Variants in TMEM131 observed in about 807,000 individuals in gnomAD.
The protein encoded by TMEM131 is transmembrane protein 131.
TMEM131 carries 66 observed loss-of-function variants against 211.6 expected under a neutral mutation model. That is an observed-to-expected ratio of 0.31 (90% CI 0.26 to 0.38). The LOEUF (loss-of-function observed/expected upper bound fraction) is 0.38. Ranked by LOEUF, TMEM131 falls within the 10% of genes least tolerant of loss-of-function variation. The pLI, the probability that TMEM131 is intolerant of heterozygous loss-of-function variation, is 1.00. For synonymous variants in TMEM131, 844 were observed against 841.3 expected (o/e 1.00, Z -0.06); for missense variants, 2,036 against 2,299.3 (o/e 0.89, Z 2.34).
intron 31 of TMEM131, among the ~76,000 whole-genome samples, chr2:97,790,531 A>C (rs1349624906): frequency 3.3e-5 from 5 of 152,206 alleles, no homozygotes; most frequent in Non-Finnish European, 5.9e-5. Context: ...TTCATTTTAA[A>C]ATTTAGGTTC....
intron 10 of TMEM131, 38 bp from the exon 11 acceptor site, chr2:97,833,464 G>T: frequency 3.0e-6 from 3 of 983,946 alleles, no homozygotes; most frequent in Non-Finnish European, 4.5e-6. Context: ...TCTTAAAAAG[G>T]TGCTTTTTAG....
At chr2:97,922,667 T>C (rs1181880335) in intron 2 of TMEM131, among the ~76,000 whole-genome samples, 2 of 152,084 alleles carry the variant, frequency 1.3e-5, no homozygotes, top group African/African-American at 4.8e-5. Flanking sequence ...GACCCTGTAG[T>C]ATTTAGAGAT....
intron 4 of TMEM131, among the ~76,000 whole-genome samples, chr2:97,883,282 A>G (rs1432993387): frequency 6.6e-6 from 1 of 152,220 alleles, no homozygotes; most frequent in Non-Finnish European, 1.5e-5. Context: ...ATTTTGGAGC[A>G]GCATGTAAAT....
chr2:97,914,357 A>T (rs1167499947), intron 2 of TMEM131, among the ~76,000 whole-genome samples: 3 of 152,184 alleles, frequency 2.0e-5, no homozygotes, highest in Non-Finnish European at 4.4e-5. Context: ...CACTGGTACG[A>T]TCCACCTGCC....
chr2:97,924,374 C>T (rs1253460106), intron 2 of TMEM131, among the ~76,000 whole-genome samples: 5 of 152,166 alleles, frequency 3.3e-5, no homozygotes, highest in South Asian at 2.1e-4. Context: ...TAGAGTGAGA[C>T]CCTGTCTCTA....
At chr2:97,762,285 T>C in intron 35 of TMEM131, 85 bp from the exon 36 acceptor site, 3 of 1,362,466 alleles carry the variant, frequency 2.2e-6, no homozygotes, top group Non-Finnish European at 3.1e-6. Context: ...TCTAAGACTA[T>C]GCATAACTCA....
intron 11 of TMEM131, among the ~76,000 whole-genome samples, chr2:97,820,947 T>C (rs562753932): frequency 6.6e-6 from 1 of 152,234 alleles, no homozygotes; most frequent in South Asian, 2.1e-4. Flanking sequence ...ATTTTGCTTT[T>C]TTTCCCCCCA....
At chr2:97,772,573 C>G in intron 32 of TMEM131, 149 bp from the exon 33 acceptor site, 1 of 989,328 alleles carries the variant, frequency 1.0e-6, no homozygotes, top group Admixed American at 3.1e-5. Flanking sequence ...TCTGTCTTCA[C>G]TGCGGTTCTG....
chr2:97,935,299 T>C (rs1677396170), intron 1 of TMEM131, among the ~76,000 whole-genome samples: 1 of 152,132 alleles, frequency 6.6e-6, no homozygotes, highest in South Asian at 2.1e-4. Flanking sequence ...AACATCCTGG[T>C]TGTGACTTTG....
intron 1 of TMEM131, among the ~76,000 whole-genome samples, chr2:97,928,430 A>G (rs1462646239): frequency 1.3e-5 from 2 of 151,842 alleles, no homozygotes; most frequent in Non-Finnish European, 2.9e-5. Context: ...GCATTTGTCA[A>G]AACAGAACTT....
chr2:97,939,578 C>A (rs953742878), intron 1 of TMEM131, among the ~76,000 whole-genome samples: 1 of 152,164 alleles, frequency 6.6e-6, no homozygotes, highest in Non-Finnish European at 1.5e-5. Context: ...AGATTCACAG[C>A]CGAATTCTAC....
chr2:97,786,859 G>C (rs1246213571), intron 31 of TMEM131, among the ~76,000 whole-genome samples: 1 of 152,190 alleles, frequency 6.6e-6, no homozygotes, highest in Non-Finnish European at 1.5e-5. Flanking sequence ...TCTACTATTC[G>C]ATGTCCTCAG....
chr2:97,794,012 A>C (rs1419362036), intron 29 of TMEM131, among the ~76,000 whole-genome samples: 11 of 149,482 alleles, frequency 7.4e-5, no homozygotes, highest in Admixed American at 3.3e-4. Context: ...AAAAAAAAAA[A>C]AAACAAAAAA....
In TMEM131 at chr2:97,834,678, C is replaced by A; in HGVS notation, c.956-1G>T. The stretch of plus-strand genomic sequence containing the variant: ...TCAGTTGAGGAATAAATTCCAGGAG[C>A]TTGGAAAAAAGAAAAGTCAACAATT... On this transcript the variant is annotated splice_acceptor_variant, in intron 9 of 40. Coordinates refer to ENST00000186436, the MANE Select transcript of TMEM131 (RefSeq NM_015348.2). LOFTEE classifies it high-confidence loss of function. 1.9e-6 allele frequency: 3 copies of A among 1,592,178 alleles called. No homozygotes were observed. The highest frequency in any genetic ancestry group is 2.6e-6 in the Non-Finnish European group (3 of 1,171,060).
chr2:97,884,432 G>C (rs1046974399), intron 4 of TMEM131, among the ~76,000 whole-genome samples: 1 of 152,136 alleles, frequency 6.6e-6, no homozygotes, highest in African/African-American at 2.4e-5. Flanking sequence ...TGTCTGTTAG[G>C]TCCATTTAGT....
chr2:97,937,592 A>G (rs1328042485), intron 1 of TMEM131, among the ~76,000 whole-genome samples: 2 of 152,186 alleles, frequency 1.3e-5, no homozygotes, highest in East Asian at 3.8e-4. Context: ...ACTTTAAGAT[A>G]AAAATTGCTA....
chr2:97,828,327 C>G (rs1187067549), intron 11 of TMEM131, among the ~76,000 whole-genome samples: 2 of 152,050 alleles, frequency 1.3e-5, no homozygotes, highest in African/African-American at 4.8e-5. Flanking sequence ...CGATCCTCAA[C>G]CAATGAAATC....
intron 5 of TMEM131, among the ~76,000 whole-genome samples, chr2:97,858,068 T>G (rs1203214624): frequency 3.9e-5 from 6 of 152,238 alleles, no homozygotes. Flanking sequence ...AAAGTTATGC[T>G]TTTTAATTTT....
At chr2:97,895,082 G>A (rs768771440) in intron 3 of TMEM131, among the ~76,000 whole-genome samples, 3 of 152,124 alleles carry the variant, frequency 2.0e-5, no homozygotes, top group African/African-American at 7.2e-5. Context: ...TAGCATGAAG[G>A]GGTGTTGAAT....
Sources: gnomAD v4.1 joint callset for allele counts (sites outside exome capture counted in the v4.1 genomes callset) on GRCh38, gnomAD v4.1.1 for gene constraint, MANE v1.5 for transcripts, NCBI Gene and HGNC (gene_info 2026-07-23, HGNC 2026-07-21) for gene names.